FBXL20: variants seen among roughly 807,000 people sequenced by gnomAD.
FBXL20 encodes the protein F-box/LRR-repeat protein 20.
Under a neutral mutation model 64.0 loss-of-function variants are expected in FBXL20, and 11 were observed. The ratio of observed to expected loss-of-function variants is 0.17; its 90% CI spans 0.11 to 0.28. FBXL20 has a LOEUF of 0.28. Ranked by LOEUF, FBXL20 falls within the 10% of genes least tolerant of loss-of-function variation. The pLI is 1.00. For missense variants in FBXL20, 303 were observed against 526.2 expected (o/e 0.58, Z 4.15); for synonymous variants, 184 against 189.0 (o/e 0.97, Z 0.22).
chr17:39,285,364 T>C lies in FBXL20; in HGVS notation c.494+114A>G, dbSNP rs889543287. 2.6e-5 allele frequency: 16 copies of C among 613,396 alleles called. No homozygotes were observed. The South Asian group carries it at 4.0e-4, about 15-fold the overall frequency. The allele number at this position is 613,396 out of a possible 1,614,324, so 38.0% of individuals were successfully genotyped here. On this transcript the variant is annotated intron_variant, in intron 7 of 14. Coordinates refer to ENST00000264658, the MANE Select transcript of FBXL20 (RefSeq NM_032875.3). ...GTAAAACAAATTATCTATTCTGAAC[T>C]ATAGAATATATCCATAAAACAGAGT...
chr17:39,342,435 G>A (rs1287970231), intron 2 of FBXL20, among the ~76,000 whole-genome samples: 1 of 151,838 alleles, frequency 6.6e-6, no homozygotes, highest in Non-Finnish European at 1.5e-5. Flanking sequence ...AAAAATTGGG[G>A]CTGGGCACCG....
chr17:39,366,836 A>C (rs2144626582), intron 1 of FBXL20, among the ~76,000 whole-genome samples: 1 of 149,622 alleles, frequency 6.7e-6, no homozygotes, highest in African/African-American at 2.4e-5. Flanking sequence ...GTTTACCAAA[A>C]TTTCATCATC....
intron 1 of FBXL20, among the ~76,000 whole-genome samples, chr17:39,348,557 G>T (rs189679551): frequency 1.2e-4 from 19 of 152,264 alleles, no homozygotes; most frequent in Admixed American, 9.2e-4. Context: ...CTTCCAAAGT[G>T]TTGGGATTAC....
At chr17:39,287,485 GT>G (rs1173758661) in intron 6 of FBXL20, among the ~76,000 whole-genome samples, 1 of 152,040 alleles carries the variant, frequency 6.6e-6, no homozygotes, top group Non-Finnish European at 1.5e-5. Context: ...ATAACTCAAT[GT>G]AACCTCCAAC....
rs1567851279 is a variant in FBXL20, at chr17:39,256,241, A to G, written c.*5219T>C. On this transcript the variant is annotated 3_prime_UTR_variant, in exon 15 of 15. Transcript: ENST00000264658. The stretch of plus-strand genomic sequence containing the variant: ...GAGGCTGAAACAGAAGAATCACTTG[A>G]ACCCAGGAGGCAGAGGTTGCAGTGA... 1 of 151,330 alleles carries G rather than the reference A, an allele frequency of 6.6e-6. No individual in the cohort carries two copies. The highest frequency in any genetic ancestry group is 1.5e-5 in the Non-Finnish European group (1 of 67,976). 9.4% of individuals were successfully genotyped at this position (151,330 alleles called of 1,614,324 possible). A position where few individuals can be genotyped will look rare whatever the true frequency, so the allele number is the denominator to read the frequency against.
At chr17:39,332,857 T>G (rs1017151137) in intron 2 of FBXL20, among the ~76,000 whole-genome samples, 3 of 152,142 alleles carry the variant, frequency 2.0e-5, no homozygotes, top group Non-Finnish European at 1.5e-5. Context: ...TTTCTTATAA[T>G]AAACCATAGT....
At chr17:39,333,549 C>T (rs936860479) in intron 2 of FBXL20, among the ~76,000 whole-genome samples, 3 of 152,204 alleles carry the variant, frequency 2.0e-5, no homozygotes, top group Admixed American at 1.3e-4. Flanking sequence ...GAGATTGCAG[C>T]CTCTGCCCGG....
Position 39,313,467 on chromosome 17 carries a change from G to C in FBXL20, c.105-9828C>G, listed in dbSNP as rs59102129. On this transcript the variant is annotated intron_variant, in intron 2 of 14. Transcript: ENST00000264658. ...AGGCTGGTCTCAAACTACTCACCTC[G>C]AGTGATCCGCCCGCCTCGGCCTCCC... 3.4e-3 allele frequency among the ~76,000 whole-genome samples: 492 copies of C among 146,028 alleles called. 5 individuals carry two copies. Among genetic ancestry groups the C allele is most frequent in the African/African-American group, 0.012 (477 of 39,382 alleles).
rs866207608 is a variant in FBXL20, at chr17:39,383,163, A to G, written c.42+18198T>C. Among the ~76,000 whole-genome samples the G allele has an allele frequency of 5.4e-5, 8 of 147,688 alleles. No homozygotes were observed. The East Asian group carries it at 9.8e-4, about 18-fold the overall frequency. ...GGCAACAGAGTGAGACTCTGTCTCA[A>G]AAAAAAAAAAAAAAAAGAAAAACTG... On this transcript the variant is annotated intron_variant, in intron 1 of 14. Coordinates refer to ENST00000264658, the MANE Select transcript of FBXL20 (RefSeq NM_032875.3).
intron 2 of FBXL20, among the ~76,000 whole-genome samples, chr17:39,332,502 T>G (rs1269330578): frequency 6.7e-6 from 1 of 150,314 alleles, no homozygotes; most frequent in Non-Finnish European, 1.5e-5. Context: ...ATTTTACCTG[T>G]GCACCTTTCC....
At chr17:39,289,009 T>C (rs761891449) in intron 6 of FBXL20, among the ~76,000 whole-genome samples, 1 of 152,164 alleles carries the variant, frequency 6.6e-6, no homozygotes, top group Non-Finnish European at 1.5e-5. Context: ...GGCAGAAGCA[T>C]AAAGGTTTTT....
At chr17:39,315,829 CAGAGAGAGAGAG>C (rs141728220) in intron 2 of FBXL20, among the ~76,000 whole-genome samples, 2,008 of 129,760 alleles carry the variant, frequency 0.015, 46 homozygotes, top group African/African-American at 0.049. Flanking sequence ...GAGAGAGAGA[CAGAGAGAGAGAG>C]AGAGAGAGAG....
At chr17:39,279,991 G>A (rs1025239104) in intron 9 of FBXL20, among the ~76,000 whole-genome samples, 10 of 152,086 alleles carry the variant, frequency 6.6e-5, no homozygotes, top group Non-Finnish European at 1.3e-4. Flanking sequence ...GACCAGCCTG[G>A]TCAACATGGC....
rs1433410104 is a variant in FBXL20, at chr17:39,257,259, A to G, written c.*4201T>C. On this transcript the variant is annotated 3_prime_UTR_variant, in exon 15 of 15. Coordinates refer to ENST00000264658, the MANE Select transcript of FBXL20 (RefSeq NM_032875.3). ...GCCGGGCCATAACAATGCATTTTAC[A>G]AGGCAATTAGAAGTAATAAAAGAAT... 6.6e-6 allele frequency: 1 copy of G among 152,198 alleles called. No individual in the cohort carries two copies. Among genetic ancestry groups the G allele is most frequent in the Non-Finnish European group, 1.5e-5 (1 of 68,036 alleles). 9.4% of individuals were successfully genotyped at this position (152,198 alleles called of 1,614,324 possible).
chr17:39,308,264 CACCACA>C (rs1168435317), intron 2 of FBXL20, among the ~76,000 whole-genome samples: 2 of 151,798 alleles, frequency 1.3e-5, no homozygotes, highest in Non-Finnish European at 2.9e-5. Context: ...AGGCGTGTGT[CACCACA>C]CCTGGCCCAT....
chr17:39,319,386 G>T (rs2047328169), intron 2 of FBXL20, among the ~76,000 whole-genome samples: 1 of 151,400 alleles, frequency 6.6e-6, no homozygotes, highest in Admixed American at 6.6e-5. Flanking sequence ...AATGAAGAGA[G>T]ATTTAAAAAG....
In FBXL20 at chr17:39,259,055, A is replaced by G. The variant is rs2046721546; in HGVS notation, c.*2405T>C. The G allele has an allele frequency of 1.3e-5, 2 of 152,230 alleles. No individual in the cohort carries two copies. Among genetic ancestry groups the G allele is most frequent in the African/African-American group, 2.4e-5 (1 of 41,462 alleles). The allele number at this position is 152,230 out of a possible 1,614,324, so 9.4% of individuals were successfully genotyped here. A position where few individuals can be genotyped will look rare whatever the true frequency, so the allele number is the denominator to read the frequency against. ...AATAAATTTAATATGATAAATATTA[A>G]TGGATAGTATAGACTTCTAAGACCC... On this transcript the variant is annotated 3_prime_UTR_variant, in exon 15 of 15. Coordinates refer to ENST00000264658, the MANE Select transcript of FBXL20 (RefSeq NM_032875.3).
intron 6 of FBXL20, among the ~76,000 whole-genome samples, chr17:39,296,898 C>T (rs928953426): frequency 6.6e-6 from 1 of 152,134 alleles, no homozygotes; most frequent in Non-Finnish European, 1.5e-5. Context: ...ACTGTATGTA[C>T]ACTGACTACA....
chr17:39,287,384 T>C (rs1001888992), intron 6 of FBXL20, among the ~76,000 whole-genome samples: 1 of 152,130 alleles, frequency 6.6e-6, no homozygotes, highest in Non-Finnish European at 1.5e-5. Flanking sequence ...CCTAGGTCTT[T>C]GTGTGGGCCA....
Sources: gnomAD v4.1 joint callset for allele counts (sites outside exome capture counted in the v4.1 genomes callset) on GRCh38, gnomAD v4.1.1 for gene constraint, MANE v1.5 for transcripts, NCBI Gene and HGNC (gene_info 2026-07-23, HGNC 2026-07-21) for gene names.